Variants in RGS6 observed in about 807,000 individuals in gnomAD.
The protein encoded by RGS6 is regulator of G protein signaling 6.
RGS6 carries 30 observed loss-of-function variants against 78.5 expected under a neutral mutation model. The observed-to-expected ratio is 0.38, with a 90% CI of 0.29 to 0.52. RGS6 has a LOEUF of 0.52. RGS6 is among the 20% of genes least tolerant of loss of function. RGS6 has a pLI of 0.85. For synonymous variants in RGS6, 206 were observed against 206.0 expected (o/e 1.00, Z 0.00); for missense variants, 495 against 609.7 (o/e 0.81, Z 1.98).
rs753724611 is a variant in RGS6, at chr14:72,368,163, G to A, written c.184+15969G>A. ...AAGCATGGTGCCAGCATCTAATGAG[G>A]GATATCCCATGGCAGTAGGCAGAAA... On this transcript the variant is annotated intron_variant, in intron 3 of 17. Transcript: ENST00000553525. Among the ~76,000 whole-genome samples, 26 of 152,164 alleles carry A rather than the reference G, an allele frequency of 1.7e-4. 1 individual carries two copies. The highest frequency in any genetic ancestry group is 3.2e-4 in the Non-Finnish European group (22 of 68,040).
At chr14:72,331,105 C>T (rs865930312) in intron 2 of RGS6, among the ~76,000 whole-genome samples, 6 of 152,176 alleles carry the variant, frequency 3.9e-5, no homozygotes, top group Non-Finnish European at 8.8e-5. Context: ...TTCTGTTAGA[C>T]ACAGAGGACA....
intron 2 of RGS6, among the ~76,000 whole-genome samples, chr14:72,255,184 T>C (rs2056805622): frequency 6.6e-6 from 1 of 152,142 alleles, no homozygotes; most frequent in Admixed American, 6.5e-5. Flanking sequence ...TAGGATTGGC[T>C]AATTTGAAAA....
At chr14:72,283,002 C>T (rs1267026840) in intron 2 of RGS6, among the ~76,000 whole-genome samples, 1 of 152,170 alleles carries the variant, frequency 6.6e-6, no homozygotes, top group Non-Finnish European at 1.5e-5. Flanking sequence ...ATTTTACAAT[C>T]CTCATATAAG....
intron 13 of RGS6, among the ~76,000 whole-genome samples, chr14:72,509,406 T>C (rs1271919934): frequency 6.6e-6 from 1 of 151,556 alleles, no homozygotes; most frequent in African/African-American, 2.4e-5. Context: ...TCTGGAGCCT[T>C]GCTGTCTAGA....
At chr14:72,163,664 C>G (rs2096883337) in intron 2 of RGS6, among the ~76,000 whole-genome samples, 1 of 152,170 alleles carries the variant, frequency 6.6e-6, no homozygotes. Context: ...GTGGGCGGAT[C>G]ACGAGGTCAG....
intron 3 of RGS6, among the ~76,000 whole-genome samples, chr14:72,415,629 G>A (rs1195713906): frequency 1.3e-5 from 2 of 152,160 alleles, no homozygotes; most frequent in South Asian, 4.1e-4. Context: ...TTCTGCGCTG[G>A]TCATGCTGGG....
the RGS6 span, among the ~76,000 whole-genome samples, chr14:71,911,144 C>A: frequency 6.6e-6 from 1 of 152,166 alleles, no homozygotes; most frequent in African/African-American, 2.4e-5. Flanking sequence ...TATTAATAGG[C>A]AGAGTATGTG....
chr14:72,195,646 G>C (rs539876218), intron 2 of RGS6, among the ~76,000 whole-genome samples: 5 of 152,352 alleles, frequency 3.3e-5, no homozygotes, highest in African/African-American at 1.2e-4. Flanking sequence ...AAAGCAGCAG[G>C]TGAGATGGTG....
chr14:72,054,831 C>T lies in RGS6; in HGVS notation c.84+89956C>T, dbSNP rs1384971694. ...TGTAGCCTTAAGCAATACATTGTTT[C>T]ATTTTGCCTGGCTTTGAACTTTATG... is the stretch of plus-strand genomic sequence containing the variant. On this transcript the variant is annotated intron_variant, in intron 2 of 17. Transcript: ENST00000553525. 5.9e-5 allele frequency among the ~76,000 whole-genome samples: 9 copies of T among 152,012 alleles called. 1 individual carries two copies.
intron 1 of RGS6, among the ~76,000 whole-genome samples, chr14:71,949,609 G>A (rs115228859): frequency 1.3e-5 from 2 of 151,598 alleles, no homozygotes; most frequent in Admixed American, 1.3e-4. Flanking sequence ...ATCTTTTCCC[G>A]GCTCTAGTGG....
intron 3 of RGS6, among the ~76,000 whole-genome samples, chr14:72,396,196 T>C (rs1204592982): frequency 6.6e-6 from 1 of 152,206 alleles, no homozygotes; most frequent in African/African-American, 2.4e-5. Flanking sequence ...CAGCACCTGT[T>C]GTTTCCTGAC....
chr14:72,518,220 T>G, intron 14 of RGS6, 131 bp from the exon 15 acceptor site: 1 of 757,734 alleles, frequency 1.3e-6, no homozygotes, highest in East Asian at 2.5e-5. Flanking sequence ...TTGCAGCTCA[T>G]GTAGTGGCAT....
chr14:72,341,132 T>G (rs923149645), intron 2 of RGS6, among the ~76,000 whole-genome samples: 1 of 152,118 alleles, frequency 6.6e-6, no homozygotes, highest in Non-Finnish European at 1.5e-5. Context: ...GAGGTTTAAT[T>G]GACTTGCAGT....
At chr14:72,010,833 T>G (rs1228694998) in intron 2 of RGS6, among the ~76,000 whole-genome samples, 1 of 151,948 alleles carries the variant, frequency 6.6e-6, no homozygotes, top group Non-Finnish European at 1.5e-5. Context: ...AACTAGATAT[T>G]TTTTTCTCTA....
At chr14:72,041,046 A>G (rs984596820) in intron 2 of RGS6, among the ~76,000 whole-genome samples, 2 of 152,126 alleles carry the variant, frequency 1.3e-5, no homozygotes, top group South Asian at 2.1e-4. Flanking sequence ...GTTATTTTGA[A>G]TCCTTTGTCA....
At chr14:71,946,309 A>G (rs2091499505) in intron 1 of RGS6, among the ~76,000 whole-genome samples, 1 of 152,078 alleles carries the variant, frequency 6.6e-6, no homozygotes, top group Non-Finnish European at 1.5e-5. Context: ...TGGTTACTGA[A>G]AGAGAGTGTG....
intron 2 of RGS6, among the ~76,000 whole-genome samples, chr14:72,314,982 G>A (rs1321499149): frequency 6.6e-6 from 1 of 152,222 alleles, no homozygotes; most frequent in Non-Finnish European, 1.5e-5. Flanking sequence ...GATGGATGGT[G>A]CCCGTCTGAC....
rs1339721211 is a variant in RGS6 at position 71,951,525 on chromosome 14, C to G, written c.-20-13247C>G. ...TCATGGCACACGTTTACCTATGTAA[C>G]AAACCTGCACGTCCTGCACATGTAC... On this transcript the variant is annotated intron_variant, in intron 1 of 17. Coordinates refer to ENST00000553525, the MANE Select transcript of RGS6 (RefSeq NM_001204424.2). Among the ~76,000 whole-genome samples, 4 of 152,004 alleles carry G rather than the reference C, an allele frequency of 2.6e-5. No individual in the cohort carries two copies. In the East Asian group the frequency reaches 7.7e-4, roughly 29 times the overall value.
chr14:72,537,569 T>G (rs920580229), intron 16 of RGS6: 21 of 702,206 alleles, frequency 3.0e-5, no homozygotes, highest in Non-Finnish European at 1.0e-5. Flanking sequence ...TCGATTCCCC[T>G]GCTGGAGGAT....
Sources: allele counts gnomAD v4.1 joint callset (sites outside exome capture counted in the v4.1 genomes callset), GRCh38; gene constraint gnomAD v4.1.1; transcripts MANE v1.5; gene names NCBI Gene and HGNC (gene_info 2026-07-23, HGNC 2026-07-21).